RNF38: variants seen among roughly 807,000 people sequenced by gnomAD.
RNF38 encodes the protein E3 ubiquitin-protein ligase RNF38.
RNF38 carries 15 observed loss-of-function variants against 67.2 expected under a neutral mutation model. The observed-to-expected ratio is 0.22, with a 90% CI of 0.15 to 0.34. The LOEUF is 0.34. RNF38 is among the 10% of genes least tolerant of loss of function. RNF38 has a pLI of 1.00. For missense variants in RNF38, 524 were observed against 639.9 expected, an observed-to-expected ratio of 0.82 and a Z score of 1.95; for synonymous variants, 220 against 218.8, an observed-to-expected ratio of 1.01 and a Z score of -0.05.
At chr9:36,354,694 C>T (rs1833966875) in intron 6 of RNF38, among the ~76,000 whole-genome samples, 1 of 152,180 alleles carries the variant, frequency 6.6e-6, no homozygotes, top group Non-Finnish European at 1.5e-5. Flanking sequence ...GGATTGTCCA[C>T]TCTTTGACTA....
In RNF38 at chr9:36,375,994, C is replaced by G; in HGVS notation, c.296G>C (p.Arg99Pro). The change falls in exon 3 of 12, where the codon CGA becomes CCA. Residue 99 changes from arginine to proline, a missense_variant. Around this residue, in one of 2 missense-constraint regions of RNF38, gnomAD observed 461 missense variants for 517.4 expected, o/e 0.89. Coordinates refer to ENST00000259605, the MANE Select transcript of RNF38 (RefSeq NM_022781.5). The stretch of plus-strand genomic sequence containing the variant: ...CCCTGAGAAGTGATGTTGGCTTGGT[C>G]GAACTGAAGGGGGCTGCCTATTTGA... Reference protein sequence around the residue: ...MTSNRQPPSVRPSQHHFSGER... With the variant: ...MTSNRQPPSVPPSQHHFSGER... 7 of 1,613,026 alleles carry G rather than the reference C, an allele frequency of 4.3e-6. No homozygotes were observed. Among genetic ancestry groups the G allele is most frequent in the Non-Finnish European group, 5.9e-6 (7 of 1,179,632 alleles).
At chr9:36,401,806 G>A (rs1838044899), upstream of RNF38, among the ~76,000 whole-genome samples, 1 of 152,210 alleles carries the variant, frequency 6.6e-6, no homozygotes, top group Non-Finnish European at 1.5e-5. Flanking sequence ...CAAGGATGGT[G>A]ATCATATTTT....
chr9:36,376,822 A>G (rs533669473), intron 2 of RNF38, among the ~76,000 whole-genome samples: 3 of 150,132 alleles, frequency 2.0e-5, no homozygotes, highest in Admixed American at 6.7e-5. Context: ...GCTACTTGGG[A>G]GGTTGAGGCA....
At chr9:36,472,675 A>G (rs1396894631) in intron 1 of RNF38, among the ~76,000 whole-genome samples, 1 of 152,226 alleles carries the variant, frequency 6.6e-6, no homozygotes, top group Non-Finnish European at 1.5e-5. Context: ...CAGATGAGAT[A>G]CTGAACTACC....
At chr9:36,450,841 G>A (rs1469750849) in intron 1 of RNF38, among the ~76,000 whole-genome samples, 1 of 152,186 alleles carries the variant, frequency 6.6e-6, no homozygotes. Context: ...TTGAACCCAG[G>A]AGGTGGAGGT....
At chr9:36,436,359 G>A (rs1177261573) in intron 1 of RNF38, among the ~76,000 whole-genome samples, 2 of 152,210 alleles carry the variant, frequency 1.3e-5, no homozygotes, top group African/African-American at 4.8e-5. Flanking sequence ...ATTCAGTTTA[G>A]AAAGAGCTTA....
intron 1 of RNF38, among the ~76,000 whole-genome samples, chr9:36,472,392 C>A (rs1053326180): frequency 2.0e-5 from 3 of 152,146 alleles, no homozygotes; most frequent in African/African-American, 7.2e-5. Flanking sequence ...AACCCATAGC[C>A]CAGGATGGCT....
intron 1 of RNF38, among the ~76,000 whole-genome samples, chr9:36,399,399 C>G (rs1430311068): frequency 6.6e-6 from 1 of 151,214 alleles, no homozygotes; most frequent in African/African-American, 2.4e-5. Context: ...ATAAGTCTTA[C>G]AGAAATATCA....
intron 2 of RNF38, among the ~76,000 whole-genome samples, chr9:36,407,261 T>C (rs1012927257): frequency 3.9e-5 from 6 of 152,182 alleles, no homozygotes; most frequent in Non-Finnish European, 8.8e-5. Context: ...CGAAGTCCAC[T>C]GAAAGCCTCC....
At chr9:36,482,605 G>A (rs1009221345) in intron 1 of RNF38, among the ~76,000 whole-genome samples, 8 of 152,068 alleles carry the variant, frequency 5.3e-5, no homozygotes, top group East Asian at 1.9e-4. Context: ...CACCCACCTC[G>A]GCCTCCCAAA....
chr9:36,401,077 C>G, upstream of RNF38: 3 of 985,062 alleles, frequency 3.0e-6, no homozygotes, highest in Non-Finnish European at 3.6e-6. Context: ...CGTCCCACCC[C>G]GTCCCCTCGC....
At chr9:36,400,849 T>C (rs1234778552), upstream of RNF38, 1 of 941,716 alleles carries the variant, frequency 1.1e-6, no homozygotes, top group Non-Finnish European at 1.2e-6. Flanking sequence ...CGACCGGGCC[T>C]CGGCCCCGTC....
intron 11 of RNF38, among the ~76,000 whole-genome samples, chr9:36,341,522 G>C (rs1832829944): frequency 6.6e-6 from 1 of 151,902 alleles, no homozygotes; most frequent in Non-Finnish European, 1.5e-5. Context: ...ACATTTTACT[G>C]TATCACAATT....
At chr9:36,484,875 T>C (rs1316265436) in intron 1 of RNF38, among the ~76,000 whole-genome samples, 1 of 152,114 alleles carries the variant, frequency 6.6e-6, no homozygotes, top group Admixed American at 6.6e-5. Flanking sequence ...TATCTAAAAA[T>C]GTATGTATTG....
chr9:36,376,825 T>C (rs977195115), intron 2 of RNF38, among the ~76,000 whole-genome samples: 8 of 149,714 alleles, frequency 5.3e-5, no homozygotes, highest in Non-Finnish European at 8.9e-5. Context: ...ACTTGGGAGG[T>C]TGAGGCAGGA....
At chr9:36,470,702 AAACC>A (rs1434565948) in intron 1 of RNF38, among the ~76,000 whole-genome samples, 1 of 152,146 alleles carries the variant, frequency 6.6e-6, no homozygotes, top group Non-Finnish European at 1.5e-5. Context: ...ACCTTAAAAC[AAACC>A]AACCAAGGGG....
rs1213429331 is a variant in RNF38, at chr9:36,356,294, G to GAT, written c.909+7_909+8dup. The GAT allele has an allele frequency of 6.2e-7, 1 of 1,613,410 alleles. No homozygotes were observed. Among genetic ancestry groups the GAT allele is most frequent in the African/African-American group, 1.3e-5 (1 of 74,896 alleles). ...CTAAACATTCTGACATAATAGTAGA[G>GAT]ATACCTACCGATCGTGATTGCTGTG... On this transcript the variant is annotated intron_variant, in intron 6 of 11. Transcript: ENST00000259605.
intron 1 of RNF38, among the ~76,000 whole-genome samples, chr9:36,459,229 A>G (rs1193244057): frequency 1.3e-5 from 2 of 149,508 alleles, no homozygotes; most frequent in African/African-American, 2.6e-5. Context: ...AAAGAAAGAT[A>G]AAGATTGCCC....
In RNF38 at chr9:36,394,112, T is replaced by C. The variant is rs1371989419; in HGVS notation, c.13-3496A>G. Among the ~76,000 whole-genome samples, 5 of 152,130 alleles carry C rather than the reference T, an allele frequency of 3.3e-5. No homozygotes were observed. The South Asian group carries it at 8.3e-4, about 25-fold the overall frequency. ...CAACATGATGAAACCCCATCTCTAC[T>C]AAAAATACAAAAATTAGCTGGGCGT... On this transcript the variant is annotated intron_variant, in intron 1 of 11. Transcript: ENST00000259605.
Sources: gnomAD v4.1 joint callset for allele counts (sites outside exome capture counted in the v4.1 genomes callset) on GRCh38, gnomAD v4.1.1 for gene constraint, gnomAD v4.1.1 regional missense constraint, MANE v1.5 for transcripts, NCBI Gene and HGNC (gene_info 2026-07-23, HGNC 2026-07-21) for gene names.